Variants in SOD3 observed in about 807,000 individuals in gnomAD.
SOD3 encodes the protein extracellular superoxide dismutase [Cu-Zn].
Under a neutral mutation model 2.6 loss-of-function variants are expected in SOD3, and 3 were observed. The ratio of observed to expected loss-of-function variants is 1.13; its 90% confidence interval spans 0.52 to 2.93. SOD3 has a LOEUF of 2.93. SOD3 is among the 30% of genes most tolerant of loss of function. The pLI is 0.04. For synonymous variants in SOD3, 188 were observed against 177.5 expected, an observed-to-expected ratio of 1.06 and a Z score of -0.47; for missense variants, 379 against 370.4, an observed-to-expected ratio of 1.02 and a Z score of -0.19.
In SOD3 at chr4:24,797,776, T is replaced by C. The variant is rs17879917; in HGVS notation, c.-16-1730T>C. Among the ~76,000 whole-genome samples, 749 of 152,290 alleles carry C rather than the reference T, an allele frequency of 4.9e-3. 12 individuals are homozygous for C. The highest frequency in any genetic ancestry group is 0.017 in the African/African-American group (716 of 41,552). On this transcript the variant is annotated intron_variant, in intron 1 of 1. Transcript: ENST00000382120. ...GGTTATATAAAGCATATCTACCCAATCTTGGAGTTTTTTAAATGGCACCTA... is the reference window on the plus strand; with the variant it reads ...GGTTATATAAAGCATATCTACCCAACCTTGGAGTTTTTTAAATGGCACCTA...
intron 1 of SOD3, 145 bp from the exon 2 acceptor site, chr4:24,799,361 G>T: frequency 1.1e-6 from 1 of 925,054 alleles, no homozygotes; most frequent in Non-Finnish European, 1.6e-6. Context: ...CTAGACAAAC[G>T]TTTGCCACAT....
In SOD3 at chr4:24,799,819, G is replaced by GA. The variant is rs1560190011; in HGVS notation, c.299dup (p.Phe102LeufsTer159). The stretch of plus-strand genomic sequence containing the variant: ...CAAGCTCGACGCCTTCTTCGCCCTG[G>GA]AGGGCTTCCCGACCGAGCCGAACAG... On this transcript the variant is annotated frameshift_variant, in exon 2 of 2. Transcript: ENST00000382120. LOFTEE classifies it high-confidence loss of function. 6.3e-7 allele frequency: 1 copy of GA among 1,599,490 alleles called. No individual in the cohort carries two copies. The highest frequency in any genetic ancestry group is 8.5e-7 in the Non-Finnish European group (1 of 1,178,444).
At chr4:24,797,531 G>A (rs984267091) in intron 1 of SOD3, among the ~76,000 whole-genome samples, 4 of 152,192 alleles carry the variant, frequency 2.6e-5, no homozygotes, top group African/African-American at 9.7e-5. Context: ...AAGCCTCTAA[G>A]GTAAGTCTGT....
In SOD3 at chr4:24,796,435, C is replaced by CTTTTTTTTT. The variant is rs34368349; in HGVS notation, c.-17+802_-17+810dup. Among the ~76,000 whole-genome samples, 204 of 71,980 alleles carry CTTTTTTTTT rather than the reference C, an allele frequency of 2.8e-3. 33 individuals are homozygous for CTTTTTTTTT. In the East Asian group the frequency reaches 0.029, roughly 10 times the overall value. The allele number at this position is 71,980 out of a possible 152,430, so 47.2% of individuals were successfully genotyped here. On this transcript the variant is annotated intron_variant, in intron 1 of 1. Transcript: ENST00000382120. Reference sequence around the variant, plus strand: ...TTTTCCTCCTCCTCCTCCTTCTTCTCTTTTTTTTTTTTTTTTTTTTTTTTT... The same window carrying CTTTTTTTTT: ...TTTTCCTCCTCCTCCTCCTTCTTCTCTTTTTTTTTTTTTTTTTTTTTTTTTTTTTTTTTT...
Position 24,799,725 on chromosome 4 carries a change from G to T in SOD3, c.204G>T (p.Ser68=). 3 of 1,565,462 alleles carry T rather than the reference G, an allele frequency of 1.9e-6. No homozygotes were observed. The highest frequency in any genetic ancestry group is 2.3e-5 in the South Asian group (2 of 86,544). ...ALHAACQVQP[S]ATLDAAQPRV... is the part of the protein sequence containing the mutation. Reference sequence around the variant, plus strand: ...ACGCCGCCTGCCAGGTGCAGCCGTCGGCCACGCTGGACGCCGCGCAGCCCC... The same window carrying T: ...ACGCCGCCTGCCAGGTGCAGCCGTCTGCCACGCTGGACGCCGCGCAGCCCC... The change falls in exon 2 of 2, where the codon TCG becomes TCT. Residue 68 remains serine (S), a synonymous_variant. Transcript: ENST00000382120.
intron 1 of SOD3, 72 bp from the exon 2 acceptor site, chr4:24,799,434 G>C: frequency 6.6e-7 from 1 of 1,520,332 alleles, no homozygotes; most frequent in African/African-American, 1.4e-5. Context: ...TGCGATAATG[G>C]GGTCCCTGAG....
In SOD3 at chr4:24,800,132, G is replaced by C; in HGVS notation, c.611G>C (p.Arg204Pro). The C allele has an allele frequency of 7.3e-7, 1 of 1,379,110 alleles. No homozygotes were observed. The highest frequency in any genetic ancestry group is 1.7e-5 in the South Asian group (1 of 59,260). The allele number at this position is 1,379,110 out of a possible 1,614,324, so 85.4% of individuals were successfully genotyped here. A position where few individuals can be genotyped will look rare whatever the true frequency, so the allele number is the denominator to read the frequency against. ...GTGGAGAACGGGAACGCGGGCCGGC[G>C]GCTGGCCTGCTGCGTGGTGGGCGTG... Reference protein sequence around the residue: ...ASVENGNAGRRLACCVVGVCG... With the variant: ...ASVENGNAGRPLACCVVGVCG... The change falls in exon 2 of 2, where the codon CGG (arginine) becomes CCG (proline). Residue 204 changes from arginine to proline, a missense_variant. By Grantham distance (103) the Arg-to-Pro change is moderately radical (BLOSUM62 -2). Transcript: ENST00000382120.
In SOD3 at chr4:24,800,283, G is replaced by GC. The variant is rs1713852217; in HGVS notation, c.*45dup. The GC allele has an allele frequency of 4.4e-6, 6 of 1,369,404 alleles. No individual in the cohort carries two copies. The highest frequency in any genetic ancestry group is 1.5e-5 in the African/African-American group (1 of 64,946). The allele number at this position is 1,369,404 out of a possible 1,614,324, so 84.8% of individuals were successfully genotyped here. A position where few individuals can be genotyped will look rare whatever the true frequency, so the allele number is the denominator to read the frequency against. On this transcript the variant is annotated 3_prime_UTR_variant, in exon 2 of 2. Coordinates refer to ENST00000382120, the MANE Select transcript of SOD3 (RefSeq NM_003102.4). Reference sequence around the variant, plus strand: ...CCGGCGGCGGCCAGGGACCCCCGAGGCCCCCCTCTGCCTTTGAGCTTCTCC... The same window carrying GC: ...CCGGCGGCGGCCAGGGACCCCCGAGGCCCCCCCTCTGCCTTTGAGCTTCTCC...
Position 24,799,844 on chromosome 4 carries a change from G to T in SOD3, c.323G>T (p.Ser108Ile), listed in dbSNP as rs1438300226. 8 of 1,601,796 alleles carry T rather than the reference G, an allele frequency of 5.0e-6. No homozygotes were observed. Among genetic ancestry groups the T allele is most frequent in the African/African-American group, 2.7e-5 (2 of 74,722 alleles). ...GAGGGCTTCCCGACCGAGCCGAACAGCTCCAGCCGCGCCATCCACGTGCAC... is the reference window on the plus strand; with the variant it reads ...GAGGGCTTCCCGACCGAGCCGAACATCTCCAGCCGCGCCATCCACGTGCAC... ...ALEGFPTEPN[S>I]SSRAIHVHQF... The change falls in exon 2 of 2, where the codon AGC becomes ATC. Residue 108 changes from serine to isoleucine, a missense_variant. Ser to Ile is a moderately radical substitution (Grantham distance 142). Coordinates refer to ENST00000382120, the MANE Select transcript of SOD3 (RefSeq NM_003102.4).
At chr4:24,797,166 T>C (rs966914025) in intron 1 of SOD3, among the ~76,000 whole-genome samples, 2 of 8,756 alleles carry the variant, frequency 2.3e-4, no homozygotes, top group African/African-American at 3.4e-4. Context: ...TTAAAATCTC[T>C]ACCAGCAGCT....
chr4:24,796,352 G>C (rs139641967), intron 1 of SOD3, among the ~76,000 whole-genome samples: 10 of 151,530 alleles, frequency 6.6e-5, no homozygotes, highest in African/African-American at 2.2e-4. Flanking sequence ...GGTGTCAAAG[G>C]CTTAAGAAAC....
intron 1 of SOD3, among the ~76,000 whole-genome samples, chr4:24,797,442 C>T (rs1046566784): frequency 6.6e-6 from 1 of 152,200 alleles, no homozygotes; most frequent in Non-Finnish European, 1.5e-5. Flanking sequence ...TTAACCCACG[C>T]ACAGTACTTA....
At position 24,800,251 on chromosome 4, in the gene SOD3, C is replaced by G. The variant is rs1477747205; in HGVS notation, c.*7C>G. 5.0e-6 allele frequency: 7 copies of G among 1,386,280 alleles called. No individual in the cohort carries two copies. In the Admixed American group the frequency reaches 2.7e-4, roughly 53 times the overall value. The allele number at this position is 1,386,280 out of a possible 1,614,324, so 85.9% of individuals were successfully genotyped here. A position where few individuals can be genotyped will look rare whatever the true frequency, so the allele number is the denominator to read the frequency against. ...CGAGTGCAAGGCCGCCTGAGCGCGGCCCCCACCCGGCGGCGGCCAGGGACC... is the reference window on the plus strand; with the variant it reads ...CGAGTGCAAGGCCGCCTGAGCGCGGGCCCCACCCGGCGGCGGCCAGGGACC... On this transcript the variant is annotated 3_prime_UTR_variant, in exon 2 of 2. Coordinates refer to ENST00000382120, the MANE Select transcript of SOD3 (RefSeq NM_003102.4).
chr4:24,799,971 G>A lies in SOD3; in HGVS notation c.450G>A (p.Ala150=), dbSNP rs1347155008. 2.5e-6 allele frequency: 4 copies of A among 1,585,738 alleles called. No individual in the cohort carries two copies. Among genetic ancestry groups the A allele is most frequent in the Non-Finnish European group, 3.4e-6 (4 of 1,173,982 alleles). ...PQHPGDFGNF[A]VRDGSLWRYR... ...ACCCGGGCGACTTCGGCAACTTCGC[G>A]GTCCGCGACGGCAGCCTCTGGAGGT... The change falls in exon 2 of 2, where the codon GCG becomes GCA. Residue 150 remains alanine, a synonymous_variant. Transcript: ENST00000382120.
Position 24,800,106 on chromosome 4 carries a change from CG to C in SOD3, c.586del (p.Val196TrpfsTer137). The C allele has an allele frequency of 7.2e-7, 1 of 1,386,146 alleles. No individual in the cohort carries two copies. The highest frequency in any genetic ancestry group is 9.3e-7 in the Non-Finnish European group (1 of 1,080,832). 85.9% of individuals were successfully genotyped at this position (1,386,146 alleles called of 1,614,324 possible). A position where few individuals can be genotyped will look rare whatever the true frequency, so the allele number is the denominator to read the frequency against. ...DLGRGGNQAS[V>X]ENGNAGRRLA... ...TGGGCCGCGGCGGCAACCAGGCCAG[CG>C]TGGAGAACGGGAACGCGGGCCGGCG... On this transcript the variant is annotated frameshift_variant, in exon 2 of 2. Transcript: ENST00000382120. LOFTEE classifies it high-confidence loss of function.
chr4:24,800,249 G>T lies in SOD3; in HGVS notation c.*5G>T. 2.2e-6 allele frequency: 3 copies of T among 1,387,304 alleles called. No homozygotes were observed. The highest frequency in any genetic ancestry group is 3.8e-5 in the Admixed American group (1 of 26,104). 85.9% of individuals were successfully genotyped at this position (1,387,304 alleles called of 1,614,324 possible). A position where few individuals can be genotyped will look rare whatever the true frequency, so the allele number is the denominator to read the frequency against. On this transcript the variant is annotated 3_prime_UTR_variant, in exon 2 of 2. Coordinates refer to ENST00000382120, the MANE Select transcript of SOD3 (RefSeq NM_003102.4). ...AGCGAGTGCAAGGCCGCCTGAGCGC[G>T]GCCCCCACCCGGCGGCGGCCAGGGA...
In SOD3 at chr4:24,800,356, G is replaced by C. The variant is rs1713855342; in HGVS notation, c.*112G>C. The stretch of plus-strand genomic sequence containing the variant: ...ACTCTGAGGTCTCACCTTCGCCTTT[G>C]CTGAAGTCTCCCCGCAGCCCTCTCC... On this transcript the variant is annotated 3_prime_UTR_variant, in exon 2 of 2. Transcript: ENST00000382120. 1.8e-5 allele frequency: 20 copies of C among 1,115,992 alleles called. No homozygotes were observed. Among genetic ancestry groups the C allele is most frequent in the Non-Finnish European group, 2.3e-5 (20 of 854,174 alleles). The allele number at this position is 1,115,992 out of a possible 1,614,324, so 69.1% of individuals were successfully genotyped here.
At position 24,799,962 on chromosome 4, in the gene SOD3, C is replaced by A; in HGVS notation, c.441C>A (p.Gly147=). The stretch of plus-strand genomic sequence containing the variant: ...ACCCGCAGCACCCGGGCGACTTCGG[C>A]AACTTCGCGGTCCGCGACGGCAGCC... The part of the protein sequence containing the change: ...VPHPQHPGDF[G]NFAVRDGSLW... Residue 147 remains glycine (G), a synonymous_variant, in exon 2 of 2, where the codon GGC becomes GGA. Transcript: ENST00000382120. The A allele has an allele frequency of 6.3e-7, 1 of 1,590,242 alleles. No individual in the cohort carries two copies. Among genetic ancestry groups the A allele is most frequent in the Non-Finnish European group, 8.5e-7 (1 of 1,175,764 alleles).
intron 1 of SOD3, among the ~76,000 whole-genome samples, chr4:24,796,203 T>TGTCCTCTTTCTCTGATAACACC (rs17880477): frequency 1.7e-3 from 262 of 152,292 alleles, no homozygotes; most frequent in Non-Finnish European, 3.3e-3. Context: ...CTGATAACAC[T>TGTCCTCTTTCTCTGATAACACC]GTCCTCTTTC....
Sources: gnomAD v4.1 joint callset for allele counts (sites outside exome capture counted in the v4.1 genomes callset) on GRCh38, gnomAD v4.1.1 for gene constraint, MANE v1.5 for transcripts, NCBI Gene and HGNC (gene_info 2026-07-23, HGNC 2026-07-21) for gene names.